The following SAFB variants were observed in gnomAD, a reference collection of about 807,000 sequenced individuals.
The protein encoded by SAFB is scaffold attachment factor B.
Under a neutral mutation model 101.6 loss-of-function variants are expected in SAFB, and 15 were observed. That is an observed-to-expected ratio of 0.15 (90% CI 0.10 to 0.23). SAFB has a LOEUF of 0.23. Among genes scored for constraint, SAFB ranks in the 10% least tolerant of loss-of-function variants. SAFB has a pLI of 1.00. For missense variants in SAFB, 930 were observed against 1,104.1 expected (o/e 0.84, Z 2.23); for synonymous variants, 449 against 407.5 (o/e 1.10, Z -1.23).
At chr19:5,659,216 A>T (rs1244447765) in intron 14 of SAFB, among the ~76,000 whole-genome samples, 2 of 151,352 alleles carry the variant, frequency 1.3e-5, no homozygotes, top group East Asian at 2.0e-4. Context: ...GAGGCGGGAG[A>T]ATCGTTTGAA....
chr19:5,623,160 C>T lies in SAFB; in HGVS notation c.-46C>T, dbSNP rs1479321921. 3 of 1,538,534 alleles carry T rather than the reference C, an allele frequency of 1.9e-6. No homozygotes were observed. Among genetic ancestry groups the T allele is most frequent in the Non-Finnish European group, 2.6e-6 (3 of 1,138,618 alleles). ...TTTTGTGCTAGGAGCCTGATAAAAC[C>T]GGCCCGGTTCTGTGGAAAGTGGGCG... On this transcript the variant is annotated 5_prime_UTR_variant, in exon 1 of 21. Transcript: ENST00000588852.
chr19:5,637,604 C>T lies in SAFB; in HGVS notation c.275-3990C>T, dbSNP rs1049025141. Among the ~76,000 whole-genome samples the T allele has an allele frequency of 4.0e-5, 6 of 151,674 alleles. No individual in the cohort carries two copies. In the East Asian group the frequency reaches 1.2e-3, roughly 30 times the overall value. On this transcript the variant is annotated intron_variant, in intron 2 of 20. Transcript: ENST00000588852. Reference sequence around the variant, plus strand: ...ATCCCTTGATGCTGGGAGGCAGAGGCTGCAGTGAGCCAAGACATGCCACTG... The same window carrying T: ...ATCCCTTGATGCTGGGAGGCAGAGGTTGCAGTGAGCCAAGACATGCCACTG...
Position 5,654,146 on chromosome 19 carries a change from G to A in SAFB, c.1612G>A (p.Asp538Asn), listed in dbSNP as rs202238628. The change falls in exon 12 of 21, where the codon GAC becomes AAC. Residue 538 changes from aspartate to asparagine, a missense_variant. Transcript: ENST00000588852. ...GDDGSGEKSK[D>N]QDDQKPGPSE... Reference sequence around the variant, plus strand: ...CGACGGAAGTGGAGAAAAGAGTAAGGACCAAGATGATCAGAAACCTGGCCC... The same window carrying A: ...CGACGGAAGTGGAGAAAAGAGTAAGAACCAAGATGATCAGAAACCTGGCCC... 5.6e-6 allele frequency: 9 copies of A among 1,614,190 alleles called. No individual in the cohort carries two copies. The highest frequency in any genetic ancestry group is 2.7e-5 in the African/African-American group (2 of 75,046).
At chr19:5,659,839 C>T (rs1420643377) in intron 14 of SAFB, among the ~76,000 whole-genome samples, 2 of 152,296 alleles carry the variant, frequency 1.3e-5, no homozygotes, top group African/African-American at 4.8e-5. Context: ...TGTTCCAGAC[C>T]CTAGGCCCCT....
At chr19:5,638,970 AC>A (rs2053649824) in intron 2 of SAFB, among the ~76,000 whole-genome samples, 1 of 150,358 alleles carries the variant, frequency 6.7e-6, no homozygotes. Flanking sequence ...CAGATGATCC[AC>A]CCGCCTTGGC....
At chr19:5,625,785 T>C (rs1167726537) in intron 1 of SAFB, among the ~76,000 whole-genome samples, 1 of 152,048 alleles carries the variant, frequency 6.6e-6, no homozygotes, top group Non-Finnish European at 1.5e-5. Flanking sequence ...AATCACCTAG[T>C]GGTTGAGAAT....
chr19:5,661,160 A>T (rs1457238158), intron 14 of SAFB, among the ~76,000 whole-genome samples: 1 of 151,830 alleles, frequency 6.6e-6, no homozygotes, highest in East Asian at 1.9e-4. Flanking sequence ...TGACCTCATG[A>T]TCCACCCACC....
chr19:5,635,243 G>A (rs941617669), intron 2 of SAFB, among the ~76,000 whole-genome samples: 3 of 152,088 alleles, frequency 2.0e-5, no homozygotes, highest in Admixed American at 6.5e-5. Context: ...TTTTTGAGAA[G>A]GCAGCTAACG....
chr19:5,650,070 C>A (rs1225121561), intron 8 of SAFB, 95 bp downstream of exon 8: 2 of 940,448 alleles, frequency 2.1e-6, no homozygotes, highest in Non-Finnish European at 3.5e-6. Flanking sequence ...ATGCTCCTTA[C>A]CCAGGAGACT....
chr19:5,643,931 C>T (rs1174729912), intron 4 of SAFB, among the ~76,000 whole-genome samples: 1 of 152,078 alleles, frequency 6.6e-6, no homozygotes, highest in Non-Finnish European at 1.5e-5. Flanking sequence ...GGACAAACTC[C>T]TTAACCTCTG....
At chr19:5,662,352 G>T (rs2054231986) in intron 15 of SAFB, among the ~76,000 whole-genome samples, 1 of 152,110 alleles carries the variant, frequency 6.6e-6, no homozygotes, top group South Asian at 2.1e-4. Context: ...CAAAAAATTG[G>T]TCGTGGTGAC....
intron 15 of SAFB, among the ~76,000 whole-genome samples, chr19:5,662,233 C>G (rs2054228443): frequency 6.6e-6 from 1 of 152,128 alleles, no homozygotes; most frequent in Non-Finnish European, 1.5e-5. Flanking sequence ...TGCGCTAGTT[C>G]ACGCCTGTAA....
intron 13 of SAFB, 102 bp downstream of exon 13, chr19:5,654,558 T>G: frequency 1.2e-6 from 1 of 807,114 alleles, no homozygotes; most frequent in Non-Finnish European, 2.1e-6. Flanking sequence ...AAAAAGCTTT[T>G]GTCGGCCGTT....
chr19:5,627,803 C>T (rs2145394710), intron 2 of SAFB, among the ~76,000 whole-genome samples: 1 of 152,286 alleles, frequency 6.6e-6, no homozygotes, highest in South Asian at 2.1e-4. Context: ...GTCCTCTGTC[C>T]TCCCGTGGCA....
chr19:5,660,358 TTTTTTTTTTTTG>T (rs2054168892), intron 14 of SAFB, among the ~76,000 whole-genome samples: 1 of 139,998 alleles, frequency 7.1e-6, no homozygotes, highest in Non-Finnish European at 1.5e-5. Flanking sequence ...TTTTTTTTTT[TTTTTTTTTTTTG>T]GAGACAGGGT....
At chr19:5,638,822 A>G (rs1479391440) in intron 2 of SAFB, among the ~76,000 whole-genome samples, 1 of 149,622 alleles carries the variant, frequency 6.7e-6, no homozygotes, top group Non-Finnish European at 1.5e-5. Context: ...CCCGGGTTCA[A>G]GCGATTCTCC....
At chr19:5,629,832 CG>C (rs2053450735) in intron 2 of SAFB, among the ~76,000 whole-genome samples, 1 of 152,046 alleles carries the variant, frequency 6.6e-6, no homozygotes, top group Non-Finnish European at 1.5e-5. Flanking sequence ...CTGAGGTGGG[CG>C]GATCAAAAGA....
chr19:5,659,756 T>TG, intron 14 of SAFB, among the ~76,000 whole-genome samples: 1 of 151,262 alleles, frequency 6.6e-6, no homozygotes, highest in Admixed American at 6.6e-5. Flanking sequence ...CAGGTGGCAT[T>TG]TCTGCTGGGG....
chr19:5,641,834 C>G lies in SAFB; in HGVS notation c.434C>G (p.Ala145Gly). The G allele has an allele frequency of 6.2e-7, 1 of 1,614,012 alleles. No individual in the cohort carries two copies. Among genetic ancestry groups the G allele is most frequent in the Non-Finnish European group, 8.5e-7 (1 of 1,179,932 alleles). ...DEAEIDNGSV[A>G]DCVEDDDADN... is the part of the protein sequence containing the mutation. ...GCAGAAATTGATAATGGAAGCGTTG[C>G]AGATTGTGTCGAAGACGATGATGCT... is the stretch of plus-strand genomic sequence containing the variant. Residue 145 changes from alanine to glycine, a missense_variant, in exon 4 of 21, where the codon GCA becomes GGA. Around this residue, in one of 7 missense-constraint regions of SAFB, gnomAD observed 119 missense variants for 171.4 expected, o/e 0.69. Transcript: ENST00000588852.
Sources: allele counts gnomAD v4.1 joint callset (sites outside exome capture counted in the v4.1 genomes callset), GRCh38; gene constraint gnomAD v4.1.1; regional missense constraint gnomAD v4.1.1; transcripts MANE v1.5; gene names NCBI Gene and HGNC (gene_info 2026-07-23, HGNC 2026-07-21).